The following ST8SIA5 variants were observed in gnomAD, a reference collection of about 807,000 sequenced individuals.
ST8SIA5 encodes ST8 alpha-N-acetyl-neuraminide alpha-2,8-sialyltransferase 5.
A neutral mutation model predicts 40.2 loss-of-function variants in ST8SIA5; 24 were observed. That is an observed-to-expected ratio of 0.60 (90% CI 0.43 to 0.84). The LOEUF (loss-of-function observed/expected upper bound fraction) is 0.84, where lower values mean the gene tolerates loss of function less well. Ranked by LOEUF, ST8SIA5 falls within the 40% of genes least tolerant of loss-of-function variation. ST8SIA5 has a pLI of 0.00. For missense variants in ST8SIA5, 465 were observed against 498.5 expected, an observed-to-expected ratio of 0.93 and a Z score of 0.64; for synonymous variants, 198 against 201.8, an observed-to-expected ratio of 0.98 and a Z score of 0.16.
intron 1 of ST8SIA5, among the ~76,000 whole-genome samples, chr18:46,722,489 G>C (rs2039873386): frequency 6.6e-6 from 1 of 152,236 alleles, no homozygotes; most frequent in South Asian, 2.1e-4. Context: ...TGCCTTCCAG[G>C]TTTGCTGAGG....
At chr18:46,697,569 G>A (rs2039568825) in intron 2 of ST8SIA5, among the ~76,000 whole-genome samples, 1 of 152,168 alleles carries the variant, frequency 6.6e-6, no homozygotes, top group Non-Finnish European at 1.5e-5. Flanking sequence ...AGCCAGGTGT[G>A]GCTGCATGCG....
At chr18:46,682,535 A>G (rs2144461491) in intron 5 of ST8SIA5, among the ~76,000 whole-genome samples, 1 of 152,378 alleles carries the variant, frequency 6.6e-6, no homozygotes, top group South Asian at 2.1e-4. Flanking sequence ...AATGCAACAC[A>G]TATTGCATGC....
rs1421355519 is a variant in ST8SIA5, at chr18:46,670,538, C to T, written c.*9504G>A. 6.6e-6 allele frequency: 1 copy of T among 152,322 alleles called. No homozygotes were observed. The highest frequency in any genetic ancestry group is 2.4e-5 in the African/African-American group (1 of 41,432). 9.4% of individuals were successfully genotyped at this position (152,322 alleles called of 1,614,324 possible). ...TCTCAGCTCACTGCAACCTCTGCCT[C>T]CTGGGCTCAAGCCAGTCTCCCACCT... On this transcript the variant is annotated 3_prime_UTR_variant, in exon 7 of 7. Coordinates refer to ENST00000315087, the MANE Select transcript of ST8SIA5 (RefSeq NM_013305.6).
chr18:46,725,407 T>C (rs4890338), intron 1 of ST8SIA5, among the ~76,000 whole-genome samples: 2,967 of 152,128 alleles, frequency 0.02, 36 homozygotes, highest in Middle Eastern at 0.034. Flanking sequence ...CCAGCCACAC[T>C]GTCATCCTCC....
intron 1 of ST8SIA5, among the ~76,000 whole-genome samples, chr18:46,755,315 T>A (rs1297917098): frequency 6.6e-6 from 1 of 152,158 alleles, no homozygotes; most frequent in East Asian, 1.9e-4. Flanking sequence ...TGTTTCGTTA[T>A]GGGGAAGTTT....
Position 46,671,283 on chromosome 18 carries a change from C to A in ST8SIA5, c.*8759G>T, listed in dbSNP as rs572312049. 6.6e-6 allele frequency: 1 copy of A among 152,280 alleles called. No homozygotes were observed. Among genetic ancestry groups the A allele is most frequent in the East Asian group, 1.9e-4 (1 of 5,186 alleles). The allele number at this position is 152,280 out of a possible 1,614,324, so 9.4% of individuals were successfully genotyped here. A position where few individuals can be genotyped will look rare whatever the true frequency, so the allele number is the denominator to read the frequency against. On this transcript the variant is annotated 3_prime_UTR_variant, in exon 7 of 7. Coordinates refer to ENST00000315087, the MANE Select transcript of ST8SIA5 (RefSeq NM_013305.6). The stretch of plus-strand genomic sequence containing the variant: ...AGGGAGACTAGATTGAGGCAGAAAC[C>A]AGGTACTAACTCTCTGGTTTCAGCT...
chr18:46,744,736 C>G (rs1208755836), intron 1 of ST8SIA5, among the ~76,000 whole-genome samples: 1 of 152,230 alleles, frequency 6.6e-6, no homozygotes, highest in Non-Finnish European at 1.5e-5. Flanking sequence ...CTACAGAACT[C>G]TCCACCCTAA....
At chr18:46,683,796 C>T (rs1043282865) in intron 5 of ST8SIA5, among the ~76,000 whole-genome samples, 2 of 152,112 alleles carry the variant, frequency 1.3e-5, no homozygotes, top group African/African-American at 4.8e-5. Flanking sequence ...GCATCTGTGG[C>T]ATGCCAGGAA....
chr18:46,711,534 A>C (rs1470182564), intron 1 of ST8SIA5, among the ~76,000 whole-genome samples: 1 of 152,104 alleles, frequency 6.6e-6, no homozygotes, highest in Non-Finnish European at 1.5e-5. Context: ...GGGTTTTCTC[A>C]GTCAGCAGCC....
In ST8SIA5 at chr18:46,679,835, A is replaced by G. The variant is rs1315879530; in HGVS notation, c.*207T>C. On this transcript the variant is annotated 3_prime_UTR_variant, in exon 7 of 7. Coordinates refer to ENST00000315087, the MANE Select transcript of ST8SIA5 (RefSeq NM_013305.6). The stretch of plus-strand genomic sequence containing the variant: ...CTGGGCGGATGCACCGGTGGGGGCC[A>G]GGCCAGGAGGCTCAGCACAGAGCTG... 1.7e-6 allele frequency: 1 copy of G among 604,232 alleles called. No individual in the cohort carries two copies. Among genetic ancestry groups the G allele is most frequent in the African/African-American group, 1.9e-5 (1 of 54,032 alleles). The allele number at this position is 604,232 out of a possible 1,614,324, so 37.4% of individuals were successfully genotyped here.
In ST8SIA5 at chr18:46,704,675, A is replaced by G. The variant is rs779822250; in HGVS notation, c.132-11T>C. On this transcript the variant is annotated splice_polypyrimidine_tract_variant and intron_variant, in intron 1 of 6. Coordinates refer to ENST00000315087, the MANE Select transcript of ST8SIA5 (RefSeq NM_013305.6). Reference sequence around the variant, plus strand: ...TAAAATTCAAAGTACCTGGGGACCAACAGAGACAGGTTAAACAGAGAAGCA... The same window carrying G: ...TAAAATTCAAAGTACCTGGGGACCAGCAGAGACAGGTTAAACAGAGAAGCA... 1 of 1,610,934 alleles carries G rather than the reference A, an allele frequency of 6.2e-7. No individual in the cohort carries two copies. The highest frequency in any genetic ancestry group is 8.5e-7 in the Non-Finnish European group (1 of 1,177,046).
rs1568285539 is a variant in ST8SIA5 at position 46,756,375 on chromosome 18, T to G, written c.131+3A>C. 7 of 1,611,636 alleles carry G rather than the reference T, an allele frequency of 4.3e-6. No individual in the cohort carries two copies. Among genetic ancestry groups the G allele is most frequent in the Admixed American group, 1.7e-5 (1 of 59,898 alleles). On this transcript the variant is annotated splice_donor_region_variant and intron_variant, in intron 1 of 6. Coordinates refer to ENST00000315087, the MANE Select transcript of ST8SIA5 (RefSeq NM_013305.6). ...ATCCCGCCCTCTCAATGGACTTTCT[T>G]ACCTCTTAATGTAGTTCCTGCCATA...
chr18:46,703,302 C>T (rs750113708), intron 2 of ST8SIA5, among the ~76,000 whole-genome samples: 29 of 152,132 alleles, frequency 1.9e-4, no homozygotes, highest in Non-Finnish European at 4.1e-4. Context: ...CCTGCCACCA[C>T]GCCTGGCTAA....
chr18:46,712,765 C>T (rs781203294), intron 1 of ST8SIA5, among the ~76,000 whole-genome samples: 3 of 152,130 alleles, frequency 2.0e-5, no homozygotes, highest in Non-Finnish European at 4.4e-5. Context: ...ACTCTCATGG[C>T]ACTTCCACAG....
chr18:46,718,347 A>AG (rs2039815324), intron 1 of ST8SIA5, among the ~76,000 whole-genome samples: 2 of 146,764 alleles, frequency 1.4e-5, no homozygotes, highest in Admixed American at 1.4e-4. Flanking sequence ...AAAAAAAAAG[A>AG]AAAAAAATTA....
chr18:46,680,419 T>C lies in ST8SIA5; in HGVS notation c.754A>G (p.Thr252Ala). 6.2e-7 allele frequency: 1 copy of C among 1,613,416 alleles called. No individual in the cohort carries two copies. Among genetic ancestry groups the C allele is most frequent in the East Asian group, 2.2e-5 (1 of 44,844 alleles). ...ASVLLPAFYN[T>A]RNTDVSIRVK... The stretch of plus-strand genomic sequence containing the variant: ...CGGATGGACACGTCGGTGTTGCGCG[T>C]GTTGTAGAAGGCAGGCAGCAGCACC... The change falls in exon 7 of 7, where the codon ACG becomes GCG. Residue 252 changes from threonine to alanine, a missense_variant. Thr to Ala is a moderately conservative substitution (Grantham distance 58). Coordinates refer to ENST00000315087, the MANE Select transcript of ST8SIA5 (RefSeq NM_013305.6).
At position 46,672,333 on chromosome 18, in the gene ST8SIA5, C is replaced by T. The variant is rs972631030; in HGVS notation, c.*7709G>A. ...AGGGATACCAGGCCCTATCCCCAGGCCTGCTGAATCAGATCCTCCGGGAAG... is the reference window on the plus strand; with the variant it reads ...AGGGATACCAGGCCCTATCCCCAGGTCTGCTGAATCAGATCCTCCGGGAAG... On this transcript the variant is annotated 3_prime_UTR_variant, in exon 7 of 7. Coordinates refer to ENST00000315087, the MANE Select transcript of ST8SIA5 (RefSeq NM_013305.6). 3 of 152,184 alleles carry T rather than the reference C, an allele frequency of 2.0e-5. No homozygotes were observed. Among genetic ancestry groups the T allele is most frequent in the African/African-American group, 7.2e-5 (3 of 41,426 alleles). 9.4% of individuals were successfully genotyped at this position (152,184 alleles called of 1,614,324 possible).
In ST8SIA5 at chr18:46,668,077, C is replaced by T. The variant is rs1435722197; in HGVS notation, c.*11965G>A. ...ATGTCCCCAAACTGTCTTTGAATGGCACAGCCTTTCTCTCCAGGGCCAGGG... is the reference window on the plus strand; with the variant it reads ...ATGTCCCCAAACTGTCTTTGAATGGTACAGCCTTTCTCTCCAGGGCCAGGG... On this transcript the variant is annotated 3_prime_UTR_variant, in exon 7 of 7. Transcript: ENST00000315087. 2 of 152,262 alleles carry T rather than the reference C, an allele frequency of 1.3e-5. No homozygotes were observed. Among genetic ancestry groups the T allele is most frequent in the African/African-American group, 4.8e-5 (2 of 41,450 alleles). The allele number at this position is 152,262 out of a possible 1,614,324, so 9.4% of individuals were successfully genotyped here. A position where few individuals can be genotyped will look rare whatever the true frequency, so the allele number is the denominator to read the frequency against.
chr18:46,676,052 T>A lies in ST8SIA5; in HGVS notation c.*3990A>T, dbSNP rs2039337339. On this transcript the variant is annotated 3_prime_UTR_variant, in exon 7 of 7. Coordinates refer to ENST00000315087, the MANE Select transcript of ST8SIA5 (RefSeq NM_013305.6). ...GCCTGGGTGACAGAGGGAGACTCTGTCTCAAACAAACAAACAAAAAAGACC... is the reference window on the plus strand; with the variant it reads ...GCCTGGGTGACAGAGGGAGACTCTGACTCAAACAAACAAACAAAAAAGACC... 1.3e-5 allele frequency: 2 copies of A among 152,158 alleles called. No individual in the cohort carries two copies. The highest frequency in any genetic ancestry group is 2.9e-5 in the Non-Finnish European group (2 of 68,042). The allele number at this position is 152,158 out of a possible 1,614,324, so 9.4% of individuals were successfully genotyped here. A position where few individuals can be genotyped will look rare whatever the true frequency, so the allele number is the denominator to read the frequency against.
Sources: allele counts gnomAD v4.1 joint callset (sites outside exome capture counted in the v4.1 genomes callset), GRCh38; gene constraint gnomAD v4.1.1; transcripts MANE v1.5; gene names NCBI Gene and HGNC (gene_info 2026-07-23, HGNC 2026-07-21).